The following RREB1 variants were observed in gnomAD, a reference collection of about 807,000 sequenced individuals.
RREB1 encodes the protein ras-responsive element-binding protein 1.
Under a neutral mutation model 117.8 loss-of-function variants are expected in RREB1, and 27 were observed. The observed-to-expected ratio is 0.23, with a 90% CI of 0.17 to 0.32. RREB1 has a LOEUF of 0.32. RREB1 is among the 10% of genes least tolerant of loss of function. The pLI, the probability that RREB1 is intolerant of heterozygous loss-of-function variation, is 1.00. For synonymous variants in RREB1, 1,298 were observed against 1,026.7 expected, an observed-to-expected ratio of 1.26 and a Z score of -5.05; for missense variants, 2,577 against 2,378.2, an observed-to-expected ratio of 1.08 and a Z score of -1.74.
chr6:7,138,790 C>CTT (rs1354356635), intron 1 of RREB1, among the ~76,000 whole-genome samples: 1 of 152,176 alleles, frequency 6.6e-6, no homozygotes, highest in Non-Finnish European at 1.5e-5. Flanking sequence ...TTAGATGACA[C>CTT]TTTTTTTGTT....
At chr6:7,125,688 C>T (rs2113332397) in intron 1 of RREB1, among the ~76,000 whole-genome samples, 1 of 152,188 alleles carries the variant, frequency 6.6e-6, no homozygotes, top group South Asian at 2.1e-4. Context: ...TGCCTCAGAA[C>T]TGGTATTGGG....
At chr6:7,128,972 A>G (rs1316497841) in intron 1 of RREB1, among the ~76,000 whole-genome samples, 2 of 152,220 alleles carry the variant, frequency 1.3e-5, no homozygotes, top group Non-Finnish European at 2.9e-5. Flanking sequence ...CCGTCTCAAA[A>G]AAAAAGTTAT....
At chr6:7,161,398 C>A (rs1446764672) in intron 1 of RREB1, among the ~76,000 whole-genome samples, 1 of 152,112 alleles carries the variant, frequency 6.6e-6, no homozygotes, top group African/African-American at 2.4e-5. Context: ...GTTTAAAAAC[C>A]CCAGGAGGCA....
intron 1 of RREB1, among the ~76,000 whole-genome samples, chr6:7,158,438 C>T (rs979946330): frequency 6.6e-5 from 10 of 152,182 alleles, no homozygotes; most frequent in African/African-American, 2.4e-4. Flanking sequence ...CCCCAACTCT[C>T]CCACCTCCTG....
intron 1 of RREB1, among the ~76,000 whole-genome samples, chr6:7,127,014 CCTT>C (rs370291054): frequency 2.0e-5 from 3 of 152,118 alleles, no homozygotes; most frequent in African/African-American, 7.2e-5. Flanking sequence ...AGGAAAACGT[CCTT>C]CTAGGCAAAA....
chr6:7,180,909 G>A (rs756700147), intron 2 of RREB1, among the ~76,000 whole-genome samples: 2 of 152,180 alleles, frequency 1.3e-5, no homozygotes, highest in Non-Finnish European at 2.9e-5. Flanking sequence ...GCTGTTGGGA[G>A]TGTGCGTAAC....
chr6:7,109,612 C>G (rs1441365048), intron 1 of RREB1, among the ~76,000 whole-genome samples: 1 of 152,234 alleles, frequency 6.6e-6, no homozygotes, highest in Non-Finnish European at 1.5e-5. Flanking sequence ...CCTCGGCCGC[C>G]GTGCATCCGT....
At chr6:7,110,303 A>G (rs988443143) in intron 1 of RREB1, among the ~76,000 whole-genome samples, 4 of 152,204 alleles carry the variant, frequency 2.6e-5, no homozygotes, top group African/African-American at 7.2e-5. Flanking sequence ...TTTCTAAGAC[A>G]TATTTCAACC....
At chr6:7,137,005 C>T (rs938227214) in intron 1 of RREB1, among the ~76,000 whole-genome samples, 2 of 152,246 alleles carry the variant, frequency 1.3e-5, no homozygotes, top group Non-Finnish European at 2.9e-5. Flanking sequence ...CCCTTTCCAA[C>T]TCTGCTCCTT....
intron 1 of RREB1, among the ~76,000 whole-genome samples, chr6:7,132,873 T>A (rs1762210213): frequency 6.6e-6 from 1 of 152,172 alleles, no homozygotes. Flanking sequence ...TGTGCCCTCA[T>A]TTTGGGTAGG....
At chr6:7,110,992 A>G (rs961886993) in intron 1 of RREB1, among the ~76,000 whole-genome samples, 3 of 152,244 alleles carry the variant, frequency 2.0e-5, no homozygotes, top group Admixed American at 6.5e-5. Context: ...TAGTGCATCC[A>G]TTCCTAACTA....
rs560699173 is a variant in RREB1 at position 7,244,262 on chromosome 6, C to CAAA, written c.3974-2147_3974-2145dup. Among the ~76,000 whole-genome samples the CAAA allele has an allele frequency of 4.9e-3, 530 of 108,364 alleles. 4 individuals are homozygous for CAAA. The highest frequency in any genetic ancestry group is 0.017 in the African/African-American group (500 of 29,892). 71.1% of individuals were successfully genotyped at this position (108,364 alleles called of 152,430 possible). A position where few individuals can be genotyped will look rare whatever the true frequency, so the allele number is the denominator to read the frequency against. Reference sequence around the variant, plus strand: ...CGGGTGACAGAGCAAGACTCCATCTCAAAAAAAAAAAAAAAAATTACTTAC... The same window carrying CAAA: ...CGGGTGACAGAGCAAGACTCCATCTCAAAAAAAAAAAAAAAAAAAATTACTTAC... On this transcript the variant is annotated intron_variant, in intron 11 of 12. Coordinates refer to ENST00000379938, the MANE Select transcript of RREB1 (RefSeq NM_001003699.4).
chr6:7,109,284 T>A (rs1023194352), intron 1 of RREB1, among the ~76,000 whole-genome samples: 5 of 151,180 alleles, frequency 3.3e-5, no homozygotes, highest in Admixed American at 6.6e-5. Context: ...GCACAAGCCT[T>A]GGGCCGGGCC....
intron 1 of RREB1, among the ~76,000 whole-genome samples, chr6:7,141,644 A>T (rs1762597439): frequency 6.6e-6 from 1 of 152,254 alleles, no homozygotes; most frequent in South Asian, 2.1e-4. Flanking sequence ...AAAAACATGT[A>T]GCAGGGTATT....
chr6:7,212,947 AG>A (rs1581546154), intron 8 of RREB1: 1 of 152,222 alleles, frequency 6.6e-6, no homozygotes, highest in African/African-American at 2.4e-5. Context: ...GAACAATTGA[AG>A]TGCTATAAAA....
In RREB1 at chr6:7,230,784, C is replaced by T. The variant is rs748411454; in HGVS notation, c.2685C>T (p.Asp895=). 9 of 1,613,362 alleles carry T rather than the reference C, an allele frequency of 5.6e-6. No homozygotes were observed. The highest frequency in any genetic ancestry group is 7.6e-6 in the Non-Finnish European group (9 of 1,179,586). The part of the protein sequence containing the change: ...KLEPASSFAV[D]FNEPLDFSQK... ...AGCCCGCCAGTAGCTTTGCGGTGGACTTCAATGAGCCCCTGGACTTCTCGC... is the reference window on the plus strand; with the variant it reads ...AGCCCGCCAGTAGCTTTGCGGTGGATTTCAATGAGCCCCTGGACTTCTCGC... Residue 895 remains aspartate, a synonymous_variant, in exon 10 of 13, where the codon GAC becomes GAT. Transcript: ENST00000379938.
chr6:7,111,936 G>C (rs2079822226), intron 1 of RREB1, among the ~76,000 whole-genome samples: 1 of 152,150 alleles, frequency 6.6e-6, no homozygotes, highest in African/African-American at 2.4e-5. Context: ...AAACAGATTT[G>C]TATTCAAAGA....
At chr6:7,144,141 A>G (rs1046979273) in intron 1 of RREB1, among the ~76,000 whole-genome samples, 5 of 151,824 alleles carry the variant, frequency 3.3e-5, no homozygotes, top group African/African-American at 1.2e-4. Flanking sequence ...AGAAAGTTTT[A>G]TTATTTCCTA....
chr6:7,202,771 C>G (rs553181602), intron 6 of RREB1, among the ~76,000 whole-genome samples: 15 of 152,208 alleles, frequency 9.9e-5, no homozygotes, highest in Non-Finnish European at 2.1e-4. Context: ...AAGGCCTGTC[C>G]GTGGGAAATG....
Sources: gnomAD v4.1 joint callset for allele counts (sites outside exome capture counted in the v4.1 genomes callset) on GRCh38, gnomAD v4.1.1 for gene constraint, MANE v1.5 for transcripts, NCBI Gene and HGNC (gene_info 2026-07-23, HGNC 2026-07-21) for gene names.